Variants in SLC24A3 observed in about 807,000 individuals in gnomAD.
SLC24A3 encodes sodium/potassium/calcium exchanger 3.
A neutral mutation model predicts 75.8 loss-of-function variants in SLC24A3; 28 were observed. The ratio of observed to expected loss-of-function variants is 0.37; its 90% CI spans 0.27 to 0.51. The LOEUF is 0.51. Among genes scored for constraint, SLC24A3 ranks in the 20% least tolerant of loss-of-function variants. SLC24A3 has a pLI of 0.94. For missense variants in SLC24A3, 663 were observed against 847.8 expected (o/e 0.78, Z 2.71); for synonymous variants, 372 against 334.1 (o/e 1.11, Z -1.24).
rs543307549 is a variant in SLC24A3, at chr20:19,502,488, G to A, written c.272-13000G>A. On this transcript the variant is annotated intron_variant, in intron 2 of 16. Coordinates refer to ENST00000328041, the MANE Select transcript of SLC24A3 (RefSeq NM_020689.4). The stretch of plus-strand genomic sequence containing the variant: ...AAACAGTTCAGATGCTCCACTGAAA[G>A]CCTATAGGGACCACATCTCAGGACT... 5.3e-5 allele frequency among the ~76,000 whole-genome samples: 8 copies of A among 152,174 alleles called. No individual in the cohort carries two copies. In the East Asian group the frequency reaches 1.4e-3, roughly 26 times the overall value.
At chr20:19,551,942 A>T (rs2030703075) in intron 3 of SLC24A3, among the ~76,000 whole-genome samples, 1 of 152,158 alleles carries the variant, frequency 6.6e-6, no homozygotes, top group Non-Finnish European at 1.5e-5. Flanking sequence ...AAAGAAAACC[A>T]AAAACCCAAA....
chr20:19,586,688 T>G (rs1461219336), intron 6 of SLC24A3, among the ~76,000 whole-genome samples: 1 of 152,170 alleles, frequency 6.6e-6, no homozygotes, highest in Non-Finnish European at 1.5e-5. Flanking sequence ...TTCGTGCCTA[T>G]TGATTTGTCT....
intron 3 of SLC24A3, among the ~76,000 whole-genome samples, chr20:19,531,080 A>G (rs1668955722): frequency 6.6e-6 from 1 of 151,826 alleles, no homozygotes; most frequent in African/African-American, 2.4e-5. Flanking sequence ...CGTGTGCTGT[A>G]GTCACACCAA....
At chr20:19,404,477 G>A (rs1385238186) in intron 2 of SLC24A3, among the ~76,000 whole-genome samples, 1 of 152,152 alleles carries the variant, frequency 6.6e-6, no homozygotes, top group Non-Finnish European at 1.5e-5. Context: ...GCTTGCAAAG[G>A]AATTACCAGG....
intron 6 of SLC24A3, among the ~76,000 whole-genome samples, chr20:19,633,518 G>A (rs2031962183): frequency 6.6e-6 from 1 of 151,220 alleles, no homozygotes; most frequent in African/African-American, 2.4e-5. Context: ...GCGTAGTGGC[G>A]GGCGCCTGTA....
intron 2 of SLC24A3, among the ~76,000 whole-genome samples, chr20:19,367,302 G>C (rs2122350877): frequency 6.6e-6 from 1 of 152,300 alleles, no homozygotes; most frequent in Middle Eastern, 3.4e-3. Flanking sequence ...GCTCCCCAAA[G>C]AGGAGTTCCT....
chr20:19,213,117 T>G (rs1600376801), intron 1 of SLC24A3, 133 bp downstream of exon 1: 2 of 1,021,184 alleles, frequency 2.0e-6, no homozygotes, highest in East Asian at 3.8e-5. Flanking sequence ...GCGGGGGGAG[T>G]GGGATGCCAG....
At chr20:19,337,924 A>G (rs1482488296) in intron 2 of SLC24A3, among the ~76,000 whole-genome samples, 2 of 152,240 alleles carry the variant, frequency 1.3e-5, no homozygotes, top group African/African-American at 2.4e-5. Context: ...GGGTGGTGGC[A>G]GGGGTGGCAC....
At chr20:19,342,930 C>T (rs956185520) in intron 2 of SLC24A3, among the ~76,000 whole-genome samples, 1 of 150,354 alleles carries the variant, frequency 6.7e-6, no homozygotes, top group South Asian at 2.1e-4. Context: ...GTTAGCTGGG[C>T]GTGGTGGCAG....
intron 6 of SLC24A3, among the ~76,000 whole-genome samples, chr20:19,647,360 A>G (rs1311035408): frequency 6.6e-6 from 1 of 152,228 alleles, no homozygotes; most frequent in Non-Finnish European, 1.5e-5. Context: ...CCAAGCTAAT[A>G]TATTTGGTTA....
At chr20:19,431,660 G>A (rs1213563247) in intron 2 of SLC24A3, among the ~76,000 whole-genome samples, 2 of 151,820 alleles carry the variant, frequency 1.3e-5, no homozygotes, top group African/African-American at 2.4e-5. Context: ...AGTAGCCCCA[G>A]TCAACTTCAT....
At chr20:19,453,546 C>T (rs755694128) in intron 2 of SLC24A3, among the ~76,000 whole-genome samples, 5 of 152,138 alleles carry the variant, frequency 3.3e-5, no homozygotes, top group Non-Finnish European at 5.9e-5. Context: ...CTTCTGGCCT[C>T]AGGAGGAAAT....
At chr20:19,570,468 T>C (rs2031034645) in intron 3 of SLC24A3, among the ~76,000 whole-genome samples, 1 of 152,104 alleles carries the variant, frequency 6.6e-6, no homozygotes, top group African/African-American at 2.4e-5. Flanking sequence ...CAGCACCTGG[T>C]ACTGGTTAGA....
chr20:19,219,111 C>T (rs1466187318), intron 1 of SLC24A3, among the ~76,000 whole-genome samples: 1 of 152,094 alleles, frequency 6.6e-6, no homozygotes, highest in African/African-American at 2.4e-5. Context: ...ATTAAGGACC[C>T]AAATGGAAGA....
chr20:19,438,296 G>A (rs1987240379), intron 2 of SLC24A3, among the ~76,000 whole-genome samples: 1 of 152,166 alleles, frequency 6.6e-6, no homozygotes, highest in South Asian at 2.1e-4. Context: ...CTTTGAAAAG[G>A]GCACCTTTCC....
Position 19,585,575 on chromosome 20 carries a change from A to G in SLC24A3, c.612+31A>G, listed in dbSNP as rs367597307. The G allele has an allele frequency of 1.4e-5, 23 of 1,598,834 alleles. 2 individuals are homozygous for G. The highest frequency in any genetic ancestry group is 1.1e-5 in the South Asian group (1 of 90,342). Reference sequence around the variant, plus strand: ...ACTGGCGGCTTCTTTGTGATGGCAAAATGTGACATTGGGGAAAGGGGAGGC... The same window carrying G: ...ACTGGCGGCTTCTTTGTGATGGCAAGATGTGACATTGGGGAAAGGGGAGGC... On this transcript the variant is annotated intron_variant, in intron 6 of 16. Coordinates refer to ENST00000328041, the MANE Select transcript of SLC24A3 (RefSeq NM_020689.4).
intron 13 of SLC24A3, chr20:19,693,708 T>C (rs11696367): frequency 0.066 from 22,375 of 339,750 alleles, 1,561 homozygotes; most frequent in African/African-American, 0.21. Flanking sequence ...GCAGGTGGGG[T>C]CCATGTCTAC....
chr20:19,721,340 A>C lies in SLC24A3; in HGVS notation c.*200A>C, dbSNP rs934332134. 7.2e-6 allele frequency: 4 copies of C among 553,636 alleles called. No individual in the cohort carries two copies. Among genetic ancestry groups the C allele is most frequent in the African/African-American group, 1.9e-5 (1 of 51,364 alleles). The allele number at this position is 553,636 out of a possible 1,614,324, so 34.3% of individuals were successfully genotyped here. A position where few individuals can be genotyped will look rare whatever the true frequency, so the allele number is the denominator to read the frequency against. On this transcript the variant is annotated 3_prime_UTR_variant, in exon 17 of 17. Transcript: ENST00000328041. ...CCACCTCCTTGGGTCATGCCCACCC[A>C]CCCTTTCCTGCCTCCTCCGTGTGAA...
chr20:19,619,526 A>C (rs1443388043), intron 6 of SLC24A3, among the ~76,000 whole-genome samples: 1 of 152,208 alleles, frequency 6.6e-6, no homozygotes, highest in African/African-American at 2.4e-5. Context: ...TGTGATCATG[A>C]GAATGGTTGT....
Sources: allele counts gnomAD v4.1 joint callset (sites outside exome capture counted in the v4.1 genomes callset), GRCh38; gene constraint gnomAD v4.1.1; transcripts MANE v1.5; gene names NCBI Gene and HGNC (gene_info 2026-07-23, HGNC 2026-07-21).